Variants in DOK6 observed in about 807,000 individuals in gnomAD.
The protein encoded by DOK6 is downstream of tyrosine kinase 6.
A neutral mutation model predicts 44.0 loss-of-function variants in DOK6; 22 were observed. The ratio of observed to expected loss-of-function variants is 0.50; its 90% CI spans 0.36 to 0.71. DOK6 has a LOEUF of 0.71. Ranked by LOEUF, DOK6 falls within the 30% of genes least tolerant of loss-of-function variation. DOK6 has a pLI of 0.00. For missense variants in DOK6, 340 were observed against 416.4 expected (o/e 0.82, Z 1.60); for synonymous variants, 166 against 145.5 (o/e 1.14, Z -1.01).
chr18:69,759,442 A>G (rs1356564964), intron 7 of DOK6, among the ~76,000 whole-genome samples: 2 of 152,254 alleles, frequency 1.3e-5, no homozygotes, highest in Non-Finnish European at 2.9e-5. Flanking sequence ...CTAAGCAATA[A>G]AAGTGAGATA....
chr18:69,523,510 T>C (rs1277457286), intron 1 of DOK6, among the ~76,000 whole-genome samples: 1 of 152,080 alleles, frequency 6.6e-6, no homozygotes, highest in Non-Finnish European at 1.5e-5. Context: ...ACCAATTTAA[T>C]GTAAGATACA....
At chr18:69,456,317 T>TC (rs1599140073) in intron 1 of DOK6, among the ~76,000 whole-genome samples, 1 of 152,050 alleles carries the variant, frequency 6.6e-6, no homozygotes, top group East Asian at 1.9e-4. Context: ...TCACTCCCTT[T>TC]CCCCTCTAGT....
At chr18:69,742,336 C>T (rs1978829296) in intron 6 of DOK6, among the ~76,000 whole-genome samples, 1 of 151,180 alleles carries the variant, frequency 6.6e-6, no homozygotes, top group African/African-American at 2.4e-5. Context: ...ATCGCTTGAA[C>T]CCAGGAGGCA....
At chr18:69,694,808 G>T (rs984632092) in intron 4 of DOK6, among the ~76,000 whole-genome samples, 2 of 152,130 alleles carry the variant, frequency 1.3e-5, no homozygotes, top group African/African-American at 4.8e-5. Context: ...GGGTATTTGG[G>T]AATGGGTTTA....
intron 7 of DOK6, among the ~76,000 whole-genome samples, chr18:69,808,075 C>G (rs1981108003): frequency 6.6e-6 from 1 of 151,752 alleles, no homozygotes; most frequent in Non-Finnish European, 1.5e-5. Context: ...TTTAAGAGGA[C>G]TGAAATCCTG....
chr18:69,686,808 A>C (rs548409026), intron 4 of DOK6, among the ~76,000 whole-genome samples: 8 of 152,198 alleles, frequency 5.3e-5, no homozygotes. Context: ...TTTTTCTTAG[A>C]TTGAGTTAAA....
intron 7 of DOK6, among the ~76,000 whole-genome samples, chr18:69,792,096 C>T (rs1339945883): frequency 6.6e-6 from 1 of 152,016 alleles, no homozygotes; most frequent in African/African-American, 2.4e-5. Flanking sequence ...CCCCTATACT[C>T]TCCCATTGGT....
At chr18:69,709,739 C>A (rs1196827203) in intron 5 of DOK6, among the ~76,000 whole-genome samples, 1 of 152,086 alleles carries the variant, frequency 6.6e-6, no homozygotes, top group Non-Finnish European at 1.5e-5. Flanking sequence ...AGATATTTTT[C>A]TTGTTATAAA....
chr18:69,411,123 A>G (rs763226681), intron 1 of DOK6, among the ~76,000 whole-genome samples: 1 of 152,142 alleles, frequency 6.6e-6, no homozygotes, highest in Non-Finnish European at 1.5e-5. Flanking sequence ...GTTTTTAGAG[A>G]AAGTGACCAT....
At chr18:69,659,946 AACATATATGTATGTTT>A (rs1300865528) in intron 3 of DOK6, 13 of 110,482 alleles carry the variant, frequency 1.2e-4, no homozygotes, top group East Asian at 1.6e-3. Context: ...TTATATATAT[AACATATATGTATGTTT>A]TATATATATA....
intron 2 of DOK6, among the ~76,000 whole-genome samples, chr18:69,592,941 A>C (rs1438460850): frequency 6.6e-6 from 1 of 152,198 alleles, no homozygotes. Context: ...TTATGTAAGT[A>C]AATACAGAGT....
chr18:69,567,467 A>C (rs1051015176), intron 2 of DOK6, among the ~76,000 whole-genome samples: 2 of 152,142 alleles, frequency 1.3e-5, no homozygotes, highest in Admixed American at 6.5e-5. Context: ...AATTTTTAAA[A>C]ACCATTACCA....
chr18:69,592,761 ATAATT>A (rs1054492120), intron 2 of DOK6, among the ~76,000 whole-genome samples: 1 of 152,182 alleles, frequency 6.6e-6, no homozygotes, highest in African/African-American at 2.4e-5. Flanking sequence ...TGAAAAATCA[ATAATT>A]TAAAAGTACA....
intron 7 of DOK6, among the ~76,000 whole-genome samples, chr18:69,761,667 G>A (rs1349112010): frequency 6.6e-6 from 1 of 152,148 alleles, no homozygotes; most frequent in Non-Finnish European, 1.5e-5. Flanking sequence ...CCAAGTCCAA[G>A]GGAGACAGGG....
intron 7 of DOK6, chr18:69,777,805 T>C (rs1980124074): frequency 1.4e-5 from 2 of 146,006 alleles, no homozygotes; most frequent in African/African-American, 5.0e-5. Flanking sequence ...TTGTGGATGA[T>C]AAAAAAAATT....
At chr18:69,518,847 G>A (rs779141351) in intron 1 of DOK6, among the ~76,000 whole-genome samples, 2 of 152,056 alleles carry the variant, frequency 1.3e-5, no homozygotes, top group African/African-American at 2.4e-5. Flanking sequence ...ATGTATTGAC[G>A]TTTCACTGGA....
intron 3 of DOK6, among the ~76,000 whole-genome samples, chr18:69,612,431 A>C (rs1984171371): frequency 2.0e-5 from 3 of 147,264 alleles, no homozygotes; most frequent in African/African-American, 2.4e-5. Flanking sequence ...GCGAGGGCGC[A>C]TGTGTGCGAG....
chr18:69,632,830 C>T (rs1004813590), intron 3 of DOK6, among the ~76,000 whole-genome samples: 1 of 152,168 alleles, frequency 6.6e-6, no homozygotes, highest in African/African-American at 2.4e-5. Context: ...TAGAATCCAG[C>T]CAATTCAGGA....
At chr18:69,673,432 A>T (rs1420697316) in intron 3 of DOK6, among the ~76,000 whole-genome samples, 1 of 152,184 alleles carries the variant, frequency 6.6e-6, no homozygotes, top group East Asian at 1.9e-4. Context: ...AATCAGAATT[A>T]AAAATAGCAC....
Sources: gnomAD v4.1 joint callset for allele counts (sites outside exome capture counted in the v4.1 genomes callset) on GRCh38, gnomAD v4.1.1 for gene constraint, MANE v1.5 for transcripts, NCBI Gene and HGNC (gene_info 2026-07-23, HGNC 2026-07-21) for gene names.